NALF1: variants seen among roughly 807,000 people sequenced by gnomAD.
The protein encoded by NALF1 is NALCN channel auxiliary factor 1.
Under a neutral mutation model 48.4 loss-of-function variants are expected in NALF1, and 3 were observed. The ratio of observed to expected loss-of-function variants is 0.06; its 90% CI spans 0.03 to 0.16. The LOEUF (loss-of-function observed/expected upper bound fraction) is 0.16, where lower values mean the gene tolerates loss of function less well. Among genes scored for constraint, NALF1 ranks in the 10% least tolerant of loss-of-function variants. The probability of loss-of-function intolerance (pLI) is 1.00; values close to 1 mark genes in which losing one functional copy is unlikely to be tolerated. For synonymous variants in NALF1, 262 were observed against 245.7 expected, an observed-to-expected ratio of 1.07 and a Z score of -0.62; for missense variants, 526 against 571.5, an observed-to-expected ratio of 0.92 and a Z score of 0.81.
At chr13:107,361,300 G>C (rs933586791) in intron 1 of NALF1, among the ~76,000 whole-genome samples, 3 of 152,162 alleles carry the variant, frequency 2.0e-5, no homozygotes, top group African/African-American at 7.2e-5. Context: ...GGAGGCTACT[G>C]CAGGAAGTCC....
At chr13:107,823,671 C>T (rs1879424396) in intron 1 of NALF1, among the ~76,000 whole-genome samples, 2 of 152,160 alleles carry the variant, frequency 1.3e-5, no homozygotes, top group African/African-American at 4.8e-5. Flanking sequence ...TTCAAAGAGG[C>T]CTTCTGTGAC....
chr13:107,325,603 T>C (rs1882336176), intron 1 of NALF1, among the ~76,000 whole-genome samples: 1 of 151,914 alleles, frequency 6.6e-6, no homozygotes, highest in Non-Finnish European at 1.5e-5. Flanking sequence ...GTTGGGAGGC[T>C]GAGGCGGGTA....
intron 1 of NALF1, among the ~76,000 whole-genome samples, chr13:107,299,539 A>C (rs1471202575): frequency 6.6e-6 from 1 of 150,918 alleles, no homozygotes; most frequent in Non-Finnish European, 1.5e-5. Flanking sequence ...TTTTCCTTAA[A>C]CTTTCGCTGG....
intron 1 of NALF1, among the ~76,000 whole-genome samples, chr13:107,414,732 T>C (rs9301224): frequency 0.2 from 30,994 of 151,918 alleles, 3,593 homozygotes; most frequent in Middle Eastern, 0.27. Context: ...TTATTTTTTA[T>C]CATACAGATT....
intron 1 of NALF1, among the ~76,000 whole-genome samples, chr13:107,580,650 C>A (rs1382676278): frequency 1.3e-5 from 2 of 152,160 alleles, no homozygotes; most frequent in African/African-American, 4.8e-5. Context: ...TGTTTTCTTG[C>A]TTGTGGCTTT....
intron 1 of NALF1, among the ~76,000 whole-genome samples, chr13:107,310,006 A>G (rs529870269): frequency 6.6e-6 from 1 of 152,318 alleles, no homozygotes; most frequent in South Asian, 2.1e-4. Context: ...CCAGATGCCA[A>G]TTCCACATGG....
intron 1 of NALF1, among the ~76,000 whole-genome samples, chr13:107,600,970 T>A (rs745777178): frequency 3.3e-5 from 5 of 152,024 alleles, no homozygotes; most frequent in African/African-American, 1.2e-4. Flanking sequence ...TCCTGACAGA[T>A]GGAGAGCTGA....
At chr13:107,607,293 G>A (rs532785393) in intron 1 of NALF1, among the ~76,000 whole-genome samples, 1 of 152,174 alleles carries the variant, frequency 6.6e-6, no homozygotes, top group South Asian at 2.1e-4. Flanking sequence ...AAGATTGTAG[G>A]CTTAAATTAA....
intron 1 of NALF1, among the ~76,000 whole-genome samples, chr13:107,667,554 G>A (rs967758250): frequency 2.0e-5 from 3 of 152,014 alleles, no homozygotes; most frequent in African/African-American, 7.2e-5. Context: ...CAAACTAAAT[G>A]ATTTCTAAGG....
In NALF1 at chr13:107,166,199, T is replaced by A. The variant is rs71435226; in HGVS notation, c.*4298A>T. On this transcript the variant is annotated 3_prime_UTR_variant, in exon 3 of 3. Coordinates refer to ENST00000375915, the MANE Select transcript of NALF1 (RefSeq NM_001080396.3). ...CTTTGGGAGGCCTAATCGGCGGATC[T>A]CCCAAGGTCAGGAGTTCAAGACTAG... 8,247 of 152,208 alleles carry A rather than the reference T, an allele frequency of 0.054. 243 individuals are homozygous for A. Among genetic ancestry groups the A allele is most frequent in the Admixed American group, 0.097 (1,481 of 15,292 alleles). 9.4% of individuals were successfully genotyped at this position (152,208 alleles called of 1,614,324 possible).
intron 1 of NALF1, among the ~76,000 whole-genome samples, chr13:107,607,832 G>C (rs1421483795): frequency 2.0e-5 from 3 of 152,166 alleles, no homozygotes; most frequent in Non-Finnish European, 2.9e-5. Context: ...ATGAGAATTT[G>C]ATGGGCAGCA....
At chr13:107,224,782 C>A (rs1880068123) in intron 1 of NALF1, among the ~76,000 whole-genome samples, 1 of 152,030 alleles carries the variant, frequency 6.6e-6, no homozygotes, top group Non-Finnish European at 1.5e-5. Flanking sequence ...ATACACAAAT[C>A]TCACACTGAA....
intron 1 of NALF1, among the ~76,000 whole-genome samples, chr13:107,630,193 G>A (rs1332627526): frequency 6.6e-6 from 1 of 151,874 alleles, no homozygotes. Context: ...ACATAAATGG[G>A]TTAAGTACAT....
At chr13:107,843,426 T>C (rs541045942) in intron 1 of NALF1, among the ~76,000 whole-genome samples, 1 of 152,288 alleles carries the variant, frequency 6.6e-6, no homozygotes, top group African/African-American at 2.4e-5. Context: ...AGAAAGGAAA[T>C]GCTAAAAGGA....
At chr13:107,251,221 T>A (rs1198133781) in intron 1 of NALF1, among the ~76,000 whole-genome samples, 2 of 152,140 alleles carry the variant, frequency 1.3e-5, no homozygotes, top group Non-Finnish European at 2.9e-5. Context: ...AAGATTTTCC[T>A]CCCCAAGTCA....
At chr13:107,796,601 C>T (rs1878431770) in intron 1 of NALF1, among the ~76,000 whole-genome samples, 1 of 152,132 alleles carries the variant, frequency 6.6e-6, no homozygotes, top group African/African-American at 2.4e-5. Flanking sequence ...ACTCTCGCTG[C>T]TTTATTGATC....
chr13:107,623,891 G>C (rs192992416), intron 1 of NALF1, among the ~76,000 whole-genome samples: 200 of 152,298 alleles, frequency 1.3e-3, no homozygotes, highest in African/African-American at 4.4e-3. Context: ...TAGATGGAGA[G>C]AAAATGACAT....
chr13:107,376,777 GA>G (rs1411477587), intron 1 of NALF1, among the ~76,000 whole-genome samples: 2 of 152,182 alleles, frequency 1.3e-5, no homozygotes, highest in African/African-American at 4.8e-5. Context: ...CTAGTGAAAA[GA>G]AGGATAAACA....
At chr13:107,825,816 TG>T (rs59635636) in intron 1 of NALF1, among the ~76,000 whole-genome samples, 6,205 of 152,278 alleles carry the variant, frequency 0.041, 432 homozygotes, top group African/African-American at 0.14. Context: ...AGTCTCGCTC[TG>T]TCACCCAGGC....
Sources: allele counts gnomAD v4.1 joint callset (sites outside exome capture counted in the v4.1 genomes callset), GRCh38; gene constraint gnomAD v4.1.1; transcripts MANE v1.5; gene names NCBI Gene and HGNC (gene_info 2026-07-23, HGNC 2026-07-21).